HYCC1: variants seen among roughly 807,000 people sequenced by gnomAD.
The protein encoded by HYCC1 is hyccin.
chr7:23,002,696 G>A, the HYCC1 span, among the ~76,000 whole-genome samples: 1 of 152,068 alleles, frequency 6.6e-6, no homozygotes, highest in African/African-American at 2.4e-5. Context: ...TATTTCTTGG[G>A]AACAGGCAAA....
chr7:22,924,863 T>C, the HYCC1 span, among the ~76,000 whole-genome samples: 1 of 152,226 alleles, frequency 6.6e-6, no homozygotes, highest in Non-Finnish European at 1.5e-5. Flanking sequence ...GTTTGAGATC[T>C]GAGAATGGGC....
At chr7:22,993,105 T>C in the HYCC1 span, among the ~76,000 whole-genome samples, 24 of 152,230 alleles carry the variant, frequency 1.6e-4, no homozygotes, top group African/African-American at 5.5e-4. Context: ...ACCTGATTTA[T>C]GACAAAAATG....
At chr7:22,994,084 G>T in the HYCC1 span, among the ~76,000 whole-genome samples, 3 of 152,200 alleles carry the variant, frequency 2.0e-5, no homozygotes, top group Admixed American at 6.5e-5. Flanking sequence ...GGGCTCAAGG[G>T]GTCCTCCCAC....
the HYCC1 span, chr7:22,946,827 G>T: frequency 1.4e-6 from 1 of 724,990 alleles, no homozygotes; most frequent in Non-Finnish European, 2.2e-6. Flanking sequence ...TCATTCCAAA[G>T]AACATTAAGA....
At chr7:22,945,572 G>C in the HYCC1 span, 10 of 1,573,948 alleles carry the variant, frequency 6.4e-6, no homozygotes, top group Non-Finnish European at 8.7e-6. Context: ...GGTTATGGGA[G>C]AAAAATATGT....
chr7:22,915,781 A>G, the HYCC1 span, among the ~76,000 whole-genome samples: 1 of 152,134 alleles, frequency 6.6e-6, no homozygotes, highest in African/African-American at 2.4e-5. Flanking sequence ...TAAACCTCTT[A>G]AAACTCCCCA....
chr7:22,999,878 T>C, the HYCC1 span, among the ~76,000 whole-genome samples: 6 of 152,082 alleles, frequency 3.9e-5, no homozygotes, highest in Admixed American at 3.9e-4. Flanking sequence ...TAAGTCAAGG[T>C]AGCACCTTAC....
the HYCC1 span, chr7:22,960,492 T>C: frequency 3.4e-6 from 4 of 1,192,736 alleles, no homozygotes; most frequent in Admixed American, 5.1e-5. Context: ...CGATAAAACA[T>C]GATGCTAAAC....
the HYCC1 span, among the ~76,000 whole-genome samples, chr7:22,927,431 C>A: frequency 6.6e-6 from 1 of 152,086 alleles, no homozygotes; most frequent in Non-Finnish European, 1.5e-5. Context: ...AATTGATAGA[C>A]TGCTAGCAAG....
chr7:22,985,968 A>G, the HYCC1 span, among the ~76,000 whole-genome samples: 2 of 150,972 alleles, frequency 1.3e-5, no homozygotes, highest in East Asian at 3.9e-4. Flanking sequence ...ATAAAATTGA[A>G]GAATAAATGA....
the HYCC1 span, among the ~76,000 whole-genome samples, chr7:22,896,916 C>T: frequency 2.6e-5 from 4 of 152,294 alleles, 1 homozygote; most frequent in South Asian, 8.3e-4. Context: ...AAAGCCCCCA[C>T]TTTATAAGCT....
chr7:22,994,496 T>C, the HYCC1 span, among the ~76,000 whole-genome samples: 50,091 of 151,822 alleles, frequency 0.33, 8,324 homozygotes, highest in East Asian at 0.36. Context: ...TGGTGAAAAT[T>C]TGCCAAGCTA....
At chr7:22,964,095 T>C in the HYCC1 span, among the ~76,000 whole-genome samples, 2 of 147,702 alleles carry the variant, frequency 1.4e-5, no homozygotes, top group Non-Finnish European at 3.0e-5. Context: ...AAAAAAGCTA[T>C]TTGGAAATTA....
the HYCC1 span, among the ~76,000 whole-genome samples, chr7:22,929,903 A>T: frequency 6.6e-6 from 1 of 152,084 alleles, no homozygotes; most frequent in Non-Finnish European, 1.5e-5. Context: ...GTATGTTTAT[A>T]GCGGCACTAT....
At chr7:22,928,424 T>C in the HYCC1 span, among the ~76,000 whole-genome samples, 1 of 152,224 alleles carries the variant, frequency 6.6e-6, no homozygotes, top group Non-Finnish European at 1.5e-5. Flanking sequence ...CATGATTGTA[T>C]ATCTAGAAAA....
the HYCC1 span, among the ~76,000 whole-genome samples, chr7:22,966,907 AG>A: frequency 3.3e-5 from 5 of 152,198 alleles, no homozygotes; most frequent in South Asian, 2.1e-4. Flanking sequence ...AACAAACTCA[AG>A]TTTTGTTTGA....
the HYCC1 span, among the ~76,000 whole-genome samples, chr7:22,971,581 C>A: frequency 2.0e-5 from 3 of 149,522 alleles, no homozygotes; most frequent in African/African-American, 4.9e-5. Context: ...GACGCTGAGG[C>A]ACAAGAATTG....
At chr7:22,927,039 T>C in the HYCC1 span, among the ~76,000 whole-genome samples, 5 of 152,110 alleles carry the variant, frequency 3.3e-5, no homozygotes, top group East Asian at 1.9e-4. Flanking sequence ...CACTCAAAAC[T>C]GCTCAACTAC....
chr7:22,923,710 G>A, the HYCC1 span, among the ~76,000 whole-genome samples: 2 of 152,026 alleles, frequency 1.3e-5, no homozygotes, highest in Admixed American at 6.6e-5. Context: ...AAAATAGGGG[G>A]CATTACTACT....
Sources: gnomAD v4.1 joint callset for allele counts (sites outside exome capture counted in the v4.1 genomes callset) on GRCh38, gnomAD v4.1.1 for gene constraint, MANE v1.5 for transcripts, NCBI Gene and HGNC (gene_info 2026-07-23, HGNC 2026-07-21) for gene names.